SIDT1: variants seen among roughly 807,000 people sequenced by gnomAD.
SIDT1 encodes the protein SID1 transmembrane family member 1, also known as SID1 transmembrane family, member 1.
A neutral mutation model predicts 107.5 loss-of-function variants in SIDT1; 101 were observed. The ratio of observed to expected loss-of-function variants is 0.94; its 90% CI spans 0.80 to 1.11. SIDT1 has a LOEUF of 1.11. Among genes scored for constraint, SIDT1 ranks in the 50% least tolerant of loss-of-function variants. SIDT1 has a pLI of 0.00. For synonymous variants in SIDT1, 395 were observed against 398.2 expected, an observed-to-expected ratio of 0.99 and a Z score of 0.10; for missense variants, 1,076 against 1,058.2, an observed-to-expected ratio of 1.02 and a Z score of -0.23.
rs562094985 is a variant in SIDT1 at position 113,572,400 on chromosome 3, AG to A, written c.516-4519del. Reference sequence around the variant, plus strand: ...TGGGCAAGACAGGGTTACAGGAGATAGGGCTGGAGAAACAGGCAGTGCCCAA... The same window carrying A: ...TGGGCAAGACAGGGTTACAGGAGATAGGCTGGAGAAACAGGCAGTGCCCAA... On this transcript the variant is annotated intron_variant, in intron 3 of 24. Coordinates refer to ENST00000264852, the MANE Select transcript of SIDT1 (RefSeq NM_017699.3). Among the ~76,000 whole-genome samples the A allele has an allele frequency of 1.6e-3, 248 of 152,332 alleles. 1 individual carries two copies. The highest frequency in any genetic ancestry group is 5.7e-3 in the African/African-American group (237 of 41,572).
At chr3:113,586,158 C>T (rs1463721061) in intron 9 of SIDT1, among the ~76,000 whole-genome samples, 1 of 152,070 alleles carries the variant, frequency 6.6e-6, no homozygotes, top group African/African-American at 2.4e-5. Context: ...CCTCGATGAC[C>T]TGTATGAAAT....
chr3:113,591,335 G>A lies in SIDT1; in HGVS notation c.1002-1670G>A, dbSNP rs79122188. ...CTGTGAGTTTGTTACAGCAGCAGTAGGAAACTAATATACATGACAATAGTT... is the reference window on the plus strand; with the variant it reads ...CTGTGAGTTTGTTACAGCAGCAGTAAGAAACTAATATACATGACAATAGTT... On this transcript the variant is annotated intron_variant, in intron 9 of 24. Transcript: ENST00000264852. Among the ~76,000 whole-genome samples the A allele has an allele frequency of 3.5e-3, 539 of 152,202 alleles. 4 individuals carry two copies. The highest frequency in any genetic ancestry group is 0.012 in the African/African-American group (516 of 41,530).
intron 17 of SIDT1, among the ~76,000 whole-genome samples, chr3:113,610,664 T>C (rs1945668387): frequency 6.6e-6 from 1 of 152,234 alleles, no homozygotes; most frequent in Admixed American, 6.5e-5. Flanking sequence ...TCTTTTGTTA[T>C]AATTGTTGAA....
At chr3:113,565,014 C>T (rs968622885) in intron 1 of SIDT1, among the ~76,000 whole-genome samples, 1 of 152,154 alleles carries the variant, frequency 6.6e-6, no homozygotes, top group African/African-American at 2.4e-5. Context: ...ATTCTGTTTC[C>T]TCCTAATTTC....
At chr3:113,633,418 G>A (rs1947106142), downstream of SIDT1, among the ~76,000 whole-genome samples, 1 of 152,158 alleles carries the variant, frequency 6.6e-6, no homozygotes. Flanking sequence ...AAACTGAGAT[G>A]CGGCAAGAAT....
chr3:113,604,815 GA>G, intron 13 of SIDT1, 94 bp from the exon 14 acceptor site: 1 of 1,414,194 alleles, frequency 7.1e-7, no homozygotes, highest in Non-Finnish European at 9.9e-7. Context: ...GTTAATTATG[GA>G]CTTATGGGGT....
At chr3:113,620,033 A>G (rs1177589446) in intron 21 of SIDT1, 3 of 219,100 alleles carry the variant, frequency 1.4e-5, no homozygotes, top group African/African-American at 6.9e-5. Flanking sequence ...GGTTAGATAG[A>G]TAGATAGATA....
At chr3:113,592,981 G>T (rs1205967067) in intron 9 of SIDT1, 24 bp from the exon 10 acceptor site, 1 of 1,589,568 alleles carries the variant, frequency 6.3e-7, no homozygotes, top group Admixed American at 1.7e-5. Flanking sequence ...TGTCTTAGGA[G>T]CATGTGTATG....
Position 113,566,431 on chromosome 3 carries a change from G to A in SIDT1, c.234G>A (p.Val78=). The A allele has an allele frequency of 6.2e-7, 1 of 1,613,950 alleles. No individual in the cohort carries two copies. The change falls in exon 2 of 25, where the codon GTG becomes GTA. Residue 78 remains valine (V), a synonymous_variant. Transcript: ENST00000264852. ...ACCCTGCCATGCAGGTGACAGCCGT[G>A]AGGGTGTATGTGAACAGTTCCTCTG... ...YTSQPDQVTA[V]RVYVNSSSEN... is the part of the protein sequence containing the mutation.
intron 19 of SIDT1, among the ~76,000 whole-genome samples, chr3:113,613,639 C>A (rs1402439031): frequency 1.3e-5 from 2 of 152,188 alleles, no homozygotes; most frequent in Non-Finnish European, 2.9e-5. Context: ...TCATGATCCT[C>A]CACCAGACAG....
chr3:113,560,370 C>T (rs1005409481), intron 1 of SIDT1, among the ~76,000 whole-genome samples: 2 of 152,154 alleles, frequency 1.3e-5, no homozygotes, highest in African/African-American at 4.8e-5. Flanking sequence ...GTGCTTTTTC[C>T]ATTTGTCTTT....
intron 1 of SIDT1, among the ~76,000 whole-genome samples, chr3:113,553,075 T>C (rs1403791129): frequency 2.0e-5 from 3 of 152,132 alleles, no homozygotes; most frequent in Non-Finnish European, 2.9e-5. Flanking sequence ...CCTTCAACCA[T>C]TAAAAGAGGA....
At position 113,567,582 on chromosome 3, in the gene SIDT1, A is replaced by G. The variant is rs762148465; in HGVS notation, c.387A>G (p.Leu129=). ...SYNYQEVSRT[L]CPSEATNETG... ...ACTATCAAGAAGTGAGCCGCACCTT[A>G]TGTCCCTCAGAAGCAACCAATGAGA... Residue 129 remains leucine, a synonymous_variant, in exon 3 of 25, where the codon TTA becomes TTG. Transcript: ENST00000264852. 6.2e-7 allele frequency: 1 copy of G among 1,613,990 alleles called. No homozygotes were observed. The highest frequency in any genetic ancestry group is 1.3e-5 in the African/African-American group (1 of 74,918).
At chr3:113,549,552 T>G (rs1939978088) in intron 1 of SIDT1, among the ~76,000 whole-genome samples, 1 of 152,204 alleles carries the variant, frequency 6.6e-6, no homozygotes, top group Admixed American at 6.5e-5. Context: ...TTACCATCTA[T>G]ATATCTTCTC....
downstream of SIDT1, among the ~76,000 whole-genome samples, chr3:113,630,709 T>C (rs1412721811): frequency 6.6e-6 from 1 of 152,168 alleles, no homozygotes; most frequent in Non-Finnish European, 1.5e-5. Flanking sequence ...GGGAAGTGAC[T>C]GAAACTCTCA....
At chr3:113,630,362 G>A (rs553953262), downstream of SIDT1, among the ~76,000 whole-genome samples, 24 of 152,164 alleles carry the variant, frequency 1.6e-4, 1 homozygote, top group South Asian at 4.8e-3. Context: ...TGAGGGATTC[G>A]CCCGGTTTTA....
intron 10 of SIDT1, 38 bp downstream of exon 10, chr3:113,593,086 G>A (rs756545567): frequency 1.0e-5 from 16 of 1,525,562 alleles, no homozygotes; most frequent in East Asian, 2.2e-5. Context: ...AAATGGTGTC[G>A]CATAGTGTGG....
intron 17 of SIDT1, among the ~76,000 whole-genome samples, chr3:113,608,879 T>C (rs971965279): frequency 6.6e-6 from 1 of 152,210 alleles, no homozygotes; most frequent in Non-Finnish European, 1.5e-5. Context: ...CTATCTTCCC[T>C]GCTGGTGGCA....
downstream of SIDT1, among the ~76,000 whole-genome samples, chr3:113,630,805 G>A (rs1482764081): frequency 6.6e-6 from 1 of 152,166 alleles, no homozygotes; most frequent in Admixed American, 6.5e-5. Flanking sequence ...TGCTCACGCA[G>A]ACAGGATCCT....
Sources: gnomAD v4.1 joint callset for allele counts (sites outside exome capture counted in the v4.1 genomes callset) on GRCh38, gnomAD v4.1.1 for gene constraint, MANE v1.5 for transcripts, NCBI Gene and HGNC (gene_info 2026-07-23, HGNC 2026-07-21) for gene names.